The following CNTNAP2 variants were observed in gnomAD, a reference collection of about 807,000 sequenced individuals.
CNTNAP2 encodes the protein contactin associated protein 2, also known as contactin-associated protein-like 2.
A neutral mutation model predicts 155.2 loss-of-function variants in CNTNAP2; 98 were observed. The ratio of observed to expected loss-of-function variants is 0.63; its 90% CI spans 0.54 to 0.75. The LOEUF is 0.75. CNTNAP2 is among the 30% of genes least tolerant of loss of function. The pLI, the probability that CNTNAP2 is intolerant of heterozygous loss-of-function variation, is 0.00. For synonymous variants in CNTNAP2, 651 were observed against 631.2 expected, an observed-to-expected ratio of 1.03 and a Z score of -0.47; for missense variants, 1,727 against 1,688.1, an observed-to-expected ratio of 1.02 and a Z score of -0.40.
chr7:147,645,049 G>T (rs1795343954), intron 13 of CNTNAP2, among the ~76,000 whole-genome samples: 1 of 152,006 alleles, frequency 6.6e-6, no homozygotes. Flanking sequence ...TTTGTTGAAA[G>T]AAGCAATATA....
chr7:146,263,308 AG>A (rs1799948433), intron 1 of CNTNAP2, among the ~76,000 whole-genome samples: 1 of 149,200 alleles, frequency 6.7e-6, no homozygotes, highest in Admixed American at 6.6e-5. Context: ...GACGGAAGGA[AG>A]GAAATAAAAA....
chr7:146,648,373 AT>A (rs1284047167), intron 1 of CNTNAP2, among the ~76,000 whole-genome samples: 1 of 152,162 alleles, frequency 6.6e-6, no homozygotes, highest in Non-Finnish European at 1.5e-5. Context: ...CTTTGTAGTT[AT>A]AATCAGGAAA....
chr7:148,210,448 C>A (rs1410658116), intron 18 of CNTNAP2, among the ~76,000 whole-genome samples: 1 of 152,196 alleles, frequency 6.6e-6, no homozygotes, highest in Non-Finnish European at 1.5e-5. Flanking sequence ...CTGTTTAAGA[C>A]CCTAGTAGAG....
In CNTNAP2 at chr7:147,692,065, T is replaced by G. The variant is rs192889592; in HGVS notation, c.2098+52759T>G. On this transcript the variant is annotated intron_variant, in intron 13 of 23. Transcript: ENST00000361727. The stretch of plus-strand genomic sequence containing the variant: ...GACAACTATTGATCTTTTTACTGTT[T>G]CCATGGTTTTGCCTTTTCCAGAATG... Among the ~76,000 whole-genome samples the G allele has an allele frequency of 1.3e-4, 20 of 152,280 alleles. No individual in the cohort carries two copies. The East Asian group carries it at 3.5e-3, about 26-fold the overall frequency.
At position 146,334,208 on chromosome 7, in the gene CNTNAP2, G is replaced by T. The variant is rs544163688; in HGVS notation, c.97+217235G>T. ...GCACTTTGGGAGGCTGAGGAAAGCA[G>T]ATTAGGAGGTCAGGAGATCGAGACC... is the stretch of plus-strand genomic sequence containing the variant. On this transcript the variant is annotated intron_variant, in intron 1 of 23. Coordinates refer to ENST00000361727, the MANE Select transcript of CNTNAP2 (RefSeq NM_014141.6). Among the ~76,000 whole-genome samples the T allele has an allele frequency of 4.9e-4, 75 of 152,256 alleles. 1 individual carries two copies. The highest frequency in any genetic ancestry group is 3.4e-3 in the Middle Eastern group (1 of 294).
chr7:148,080,520 G>A (rs1001189944), intron 15 of CNTNAP2, among the ~76,000 whole-genome samples: 23 of 149,578 alleles, frequency 1.5e-4, no homozygotes, highest in African/African-American at 4.9e-4. Context: ...CAGGAGAATG[G>A]CATAAACCTG....
chr7:147,589,515 C>T (rs1429036386), intron 12 of CNTNAP2, among the ~76,000 whole-genome samples: 1 of 152,060 alleles, frequency 6.6e-6, no homozygotes, highest in Non-Finnish European at 1.5e-5. Flanking sequence ...CAACCTGAAT[C>T]CTGCATTTTC....
chr7:146,274,433 G>A (rs921280113), intron 1 of CNTNAP2, among the ~76,000 whole-genome samples: 14 of 152,288 alleles, frequency 9.2e-5, no homozygotes, highest in Non-Finnish European at 1.3e-4. Flanking sequence ...TAAAAGGAAG[G>A]CATCTGTTTG....
At chr7:147,921,111 C>CTT (rs1423794335) in intron 14 of CNTNAP2, among the ~76,000 whole-genome samples, 2,986 of 150,272 alleles carry the variant, frequency 0.02, 103 homozygotes, top group African/African-American at 0.068. Flanking sequence ...GCCCTGCCTC[C>CTT]TTTTTTTTTT....
intron 11 of CNTNAP2, among the ~76,000 whole-genome samples, chr7:147,502,834 T>TA (rs758782491): frequency 1.1e-3 from 174 of 151,698 alleles, no homozygotes; most frequent in Admixed American, 2.2e-3. Flanking sequence ...AGACTGAAAT[T>TA]AAAAAAAGAA....
chr7:147,516,239 T>C lies in CNTNAP2; in HGVS notation c.1777+30198T>C, dbSNP rs1284657741. Among the ~76,000 whole-genome samples the C allele has an allele frequency of 4.6e-5, 7 of 152,358 alleles. No homozygotes were observed. In the East Asian group the frequency reaches 9.6e-4, roughly 21 times the overall value. ...TTGCTAATTATATATTTGTACTTTT[T>C]TTTACAGCTACTCATGTGTAGAACA... On this transcript the variant is annotated intron_variant, in intron 11 of 23. Coordinates refer to ENST00000361727, the MANE Select transcript of CNTNAP2 (RefSeq NM_014141.6).
chr7:146,493,026 T>C (rs903724118), intron 1 of CNTNAP2, among the ~76,000 whole-genome samples: 21 of 152,206 alleles, frequency 1.4e-4, no homozygotes, highest in African/African-American at 4.6e-4. Context: ...TAAGGATAAG[T>C]CTATAATCCA....
In CNTNAP2 at chr7:148,370,848, C is replaced by T. The variant is rs111515090; in HGVS notation, c.3476-12801C>T. Among the ~76,000 whole-genome samples the T allele has an allele frequency of 7.9e-5, 12 of 152,304 alleles. No individual in the cohort carries two copies. The East Asian group carries it at 1.2e-3, about 15-fold the overall frequency. ...CAAGTCTCAGCCTTCTCCCTGGTGC[C>T]GGCCTTTCCAACACCTGAAGGCAGT... On this transcript the variant is annotated intron_variant, in intron 21 of 23. Coordinates refer to ENST00000361727, the MANE Select transcript of CNTNAP2 (RefSeq NM_014141.6).
chr7:146,408,554 A>G (rs1037780419), intron 1 of CNTNAP2, among the ~76,000 whole-genome samples: 2 of 147,370 alleles, frequency 1.4e-5, no homozygotes, highest in African/African-American at 2.5e-5. Flanking sequence ...GTTCTCACTC[A>G]TAGGTGGCAA....
intron 20 of CNTNAP2, among the ~76,000 whole-genome samples, chr7:148,254,103 C>T (rs17170924): frequency 0.14 from 21,816 of 152,094 alleles, 1,702 homozygotes; most frequent in Middle Eastern, 0.2. Context: ...AAATAAAGTC[C>T]TTGTTTCTGT....
At position 147,507,304 on chromosome 7, in the gene CNTNAP2, A is replaced by T. The variant is rs78232459; in HGVS notation, c.1777+21263A>T. Among the ~76,000 whole-genome samples the T allele has an allele frequency of 1.9e-3, 295 of 151,646 alleles. 4 individuals carry two copies. The highest frequency in any genetic ancestry group is 6.9e-3 in the African/African-American group (284 of 40,994). On this transcript the variant is annotated intron_variant, in intron 11 of 23. Transcript: ENST00000361727. ...AAATAAGGTAAAAATGGGGAGTAACATGTGTTTAAAAATTGTTAATCTTTC... is the reference window on the plus strand; with the variant it reads ...AAATAAGGTAAAAATGGGGAGTAACTTGTGTTTAAAAATTGTTAATCTTTC...
chr7:146,398,047 C>T (rs1282672545), intron 1 of CNTNAP2, among the ~76,000 whole-genome samples: 4 of 151,608 alleles, frequency 2.6e-5, no homozygotes, highest in African/African-American at 9.7e-5. Flanking sequence ...CTAATTTTTG[C>T]ATTTTTTGTG....
chr7:146,678,526 C>T (rs968866125), intron 1 of CNTNAP2, among the ~76,000 whole-genome samples: 3 of 152,022 alleles, frequency 2.0e-5, no homozygotes, highest in African/African-American at 4.8e-5. Context: ...TTTACACTGT[C>T]GAAAATTTGC....
At chr7:147,833,458 A>C (rs2116639440) in intron 13 of CNTNAP2, among the ~76,000 whole-genome samples, 1 of 152,292 alleles carries the variant, frequency 6.6e-6, no homozygotes, top group East Asian at 1.9e-4. Flanking sequence ...CCAAGGAAGA[A>C]GGGATCTGAT....
Sources: gnomAD v4.1 joint callset for allele counts (sites outside exome capture counted in the v4.1 genomes callset) on GRCh38, gnomAD v4.1.1 for gene constraint, MANE v1.5 for transcripts, NCBI Gene and HGNC (gene_info 2026-07-23, HGNC 2026-07-21) for gene names.